SH3RF3: variants seen among roughly 807,000 people sequenced by gnomAD.
SH3RF3 encodes SH3 domain containing ring finger 3, also known as E3 ubiquitin-protein ligase SH3RF3.
In SH3RF3, 29 loss-of-function variants were observed where a neutral mutation model predicts 66.3. That is an observed-to-expected ratio of 0.44 (90% CI 0.33 to 0.60). The LOEUF (loss-of-function observed/expected upper bound fraction) is 0.60. SH3RF3 is among the 20% of genes least tolerant of loss of function. The pLI, the probability that SH3RF3 is intolerant of heterozygous loss-of-function variation, is 0.04. For synonymous variants in SH3RF3, 583 were observed against 532.0 expected, an observed-to-expected ratio of 1.10 and a Z score of -1.32; for missense variants, 1,194 against 1,190.9, an observed-to-expected ratio of 1.00 and a Z score of -0.04.
intron 1 of SH3RF3, among the ~76,000 whole-genome samples, chr2:109,189,612 C>T (rs76095840): frequency 6.6e-6 from 1 of 152,026 alleles, no homozygotes; most frequent in Non-Finnish European, 1.5e-5. Context: ...CATGATCTTC[C>T]CTCCTTGGCC....
chr2:109,457,131 C>T (rs1678082974), intron 8 of SH3RF3, among the ~76,000 whole-genome samples: 1 of 152,178 alleles, frequency 6.6e-6, no homozygotes, highest in Non-Finnish European at 1.5e-5. Context: ...GCACCTACCA[C>T]CCTGAGTTGT....
At chr2:109,297,783 C>T (rs781212883) in intron 1 of SH3RF3, among the ~76,000 whole-genome samples, 3 of 151,676 alleles carry the variant, frequency 2.0e-5, no homozygotes, top group Non-Finnish European at 4.4e-5. Context: ...CAGTCATTGC[C>T]CCCAACTAGG....
chr2:109,347,487 G>T (rs1423354767), intron 1 of SH3RF3, among the ~76,000 whole-genome samples, 187 bp from the exon 2 acceptor site: 1 of 152,078 alleles, frequency 6.6e-6, no homozygotes, highest in Admixed American at 6.5e-5. Flanking sequence ...TATCTCAGTG[G>T]CGCCTCAGAA....
At chr2:109,299,847 C>T (rs978773664) in intron 1 of SH3RF3, among the ~76,000 whole-genome samples, 24 of 152,292 alleles carry the variant, frequency 1.6e-4, no homozygotes, top group African/African-American at 5.5e-4. Flanking sequence ...GCATGTACAG[C>T]CAGGCTGAAC....
intron 1 of SH3RF3, among the ~76,000 whole-genome samples, chr2:109,229,096 A>C (rs1679438949): frequency 6.6e-6 from 1 of 152,176 alleles, no homozygotes; most frequent in Admixed American, 6.5e-5. Context: ...TCAAAGACCA[A>C]ATATCAGAAC....
chr2:109,399,046 C>A, intron 4 of SH3RF3, 103 bp downstream of exon 4: 1 of 1,270,296 alleles, frequency 7.9e-7, no homozygotes, highest in South Asian at 1.5e-5. Flanking sequence ...TGGAGGCCGC[C>A]CCAGAACTGC....
At chr2:109,248,887 TTCCTG>T (rs149003864) in intron 1 of SH3RF3, among the ~76,000 whole-genome samples, 69,662 of 145,468 alleles carry the variant, frequency 0.48, 16,957 homozygotes, top group East Asian at 0.54. Flanking sequence ...TTCCTGTCCT[TTCCTG>T]TCCTGTCCTG....
intron 1 of SH3RF3, among the ~76,000 whole-genome samples, chr2:109,262,941 TTC>T (rs1680393731): frequency 6.6e-6 from 1 of 152,170 alleles, no homozygotes; most frequent in Admixed American, 6.5e-5. Context: ...CCAGCAACTC[TTC>T]TGTCTCAGCC....
chr2:109,263,147 C>T (rs922307718), intron 1 of SH3RF3, among the ~76,000 whole-genome samples: 10 of 152,190 alleles, frequency 6.6e-5, no homozygotes, highest in African/African-American at 2.4e-4. Flanking sequence ...CGCCCAGCCG[C>T]AATCACTTTG....
chr2:109,230,457 G>T (rs1200919510), intron 1 of SH3RF3, among the ~76,000 whole-genome samples: 2 of 152,140 alleles, frequency 1.3e-5, no homozygotes, highest in African/African-American at 4.8e-5. Flanking sequence ...GTGCATGCCT[G>T]TTATCCCAGT....
At chr2:109,258,348 G>A (rs1357813979) in intron 1 of SH3RF3, among the ~76,000 whole-genome samples, 2 of 152,174 alleles carry the variant, frequency 1.3e-5, no homozygotes, top group Non-Finnish European at 2.9e-5. Context: ...GCGAGAAACT[G>A]CAGAGTTGAG....
At chr2:109,426,619 C>T (rs1231776955) in intron 5 of SH3RF3, among the ~76,000 whole-genome samples, 2 of 152,172 alleles carry the variant, frequency 1.3e-5, no homozygotes, top group Non-Finnish European at 2.9e-5. Flanking sequence ...ATGGTGGGAA[C>T]ATCATTGAAA....
At chr2:109,169,739 G>A (rs1216409750) in intron 1 of SH3RF3, among the ~76,000 whole-genome samples, 1 of 140,910 alleles carries the variant, frequency 7.1e-6, no homozygotes, top group Non-Finnish European at 1.5e-5. Flanking sequence ...AAATACATAT[G>A]TATAAAACAA....
intron 1 of SH3RF3, among the ~76,000 whole-genome samples, chr2:109,195,606 C>T (rs193143030): frequency 9.2e-5 from 14 of 152,326 alleles, no homozygotes; most frequent in African/African-American, 3.1e-4. Flanking sequence ...ATTTTTGCAT[C>T]GTTTTCTGGA....
rs141792378 is a variant in SH3RF3, at chr2:109,420,421, TTTG to T, written c.1403+794_1403+796del. 4.1e-3 allele frequency among the ~76,000 whole-genome samples: 622 copies of T among 152,140 alleles called. 2 individuals are homozygous for T. Among genetic ancestry groups the T allele is most frequent in the African/African-American group, 0.012 (497 of 41,498 alleles). On this transcript the variant is annotated intron_variant, in intron 5 of 9. Transcript: ENST00000309415. The stretch of plus-strand genomic sequence containing the variant: ...CCTGTGTTGTTACAGAACAGGATTT[TTTG>T]TTGTTGTTGTTGTTTTTGTTTTGTT...
chr2:109,337,942 G>A (rs906496387), intron 1 of SH3RF3, among the ~76,000 whole-genome samples: 23 of 151,786 alleles, frequency 1.5e-4, no homozygotes, highest in Non-Finnish European at 1.9e-4. Flanking sequence ...ACGTTACCCC[G>A]GCTGGTCTGG....
intron 1 of SH3RF3, among the ~76,000 whole-genome samples, chr2:109,175,263 C>T (rs1202301834): frequency 6.6e-6 from 1 of 152,190 alleles, no homozygotes; most frequent in Non-Finnish European, 1.5e-5. Context: ...ACTTGTACTT[C>T]ATCCTTTCCC....
chr2:109,173,932 G>A (rs1400528072), intron 1 of SH3RF3, among the ~76,000 whole-genome samples: 27 of 152,240 alleles, frequency 1.8e-4, no homozygotes, highest in Admixed American at 1.8e-3. Flanking sequence ...CAATTCTTAT[G>A]CCCTTTAAAG....
chr2:109,262,526 C>T (rs889325383), intron 1 of SH3RF3, among the ~76,000 whole-genome samples: 9 of 152,196 alleles, frequency 5.9e-5, no homozygotes, highest in Non-Finnish European at 1.0e-4. Context: ...CCTTTCCTTG[C>T]GGCCTCATCC....
Sources: allele counts gnomAD v4.1 joint callset (sites outside exome capture counted in the v4.1 genomes callset), GRCh38; gene constraint gnomAD v4.1.1; transcripts MANE v1.5; gene names NCBI Gene and HGNC (gene_info 2026-07-23, HGNC 2026-07-21).